The following NBPF14 variants were observed in gnomAD, a reference collection of about 807,000 sequenced individuals.
NBPF14 encodes NBPF member 14.
A neutral mutation model predicts 91.2 loss-of-function variants in NBPF14; 104 were observed. The observed-to-expected ratio is 1.14, with a 90% confidence interval of 0.97 to 1.34. The LOEUF is 1.34. Among genes scored for constraint, NBPF14 ranks in the 40% most tolerant of loss-of-function variants. NBPF14 has a pLI of 0.00. For synonymous variants in NBPF14, 294 were observed against 303.8 expected (o/e 0.97, Z 0.34); for missense variants, 908 against 783.0 (o/e 1.16, Z -1.91).
chr1:148,593,180 A>G (rs1286930541), intron 3 of NBPF14, among the ~76,000 whole-genome samples: 1 of 134,064 alleles, frequency 7.5e-6, no homozygotes, highest in African/African-American at 3.6e-5. Flanking sequence ...GAAAAGATGA[A>G]AGAAGAAAAG....
intron 7 of NBPF14, 43 bp from the exon 8 acceptor site, chr1:148,587,446 A>G (rs1292583895): frequency 6.5e-7 from 1 of 1,541,066 alleles, no homozygotes. Context: ...AAGGCTGGAC[A>G]TGCTGCTGTG....
chr1:148,595,426 T>C lies in NBPF14; in HGVS notation c.175+117A>G. The C allele has an allele frequency of 9.7e-6, 13 of 1,334,856 alleles. 1 individual carries two copies. The South Asian group carries it at 1.6e-4, about 17-fold the overall frequency. The allele number at this position is 1,334,856 out of a possible 1,614,324, so 82.7% of individuals were successfully genotyped here. A position where few individuals can be genotyped will look rare whatever the true frequency, so the allele number is the denominator to read the frequency against. Reference sequence around the variant, plus strand: ...CAAAATGTTAAAATACCCATTTCTGTTTTCTTAGAAGTACAGGAAGGATGA... The same window carrying C: ...CAAAATGTTAAAATACCCATTTCTGCTTTCTTAGAAGTACAGGAAGGATGA... On this transcript the variant is annotated intron_variant, in intron 2 of 70. Coordinates refer to ENST00000619423, the Ensembl canonical transcript of NBPF14.
Position 148,559,598 on chromosome 1 carries a change from G to T in NBPF14, c.4729+195C>A, listed in dbSNP as rs1239994591. 2.4e-5 allele frequency among the ~76,000 whole-genome samples: 3 copies of T among 124,152 alleles called. 1 individual carries two copies. The highest frequency in any genetic ancestry group is 4.6e-5 in the Non-Finnish European group (3 of 64,750). 81.4% of individuals were successfully genotyped at this position (124,152 alleles called of 152,430 possible). ...CACAGGCATGGCCTGAGACTAGGAA[G>T]AGAGCCTTGCTCACTGACCCATCCC... is the stretch of plus-strand genomic sequence containing the variant. On this transcript the variant is annotated intron_variant, in intron 37 of 70. Transcript: ENST00000619423.
At chr1:148,557,087 C>T (rs1421573415) in intron 40 of NBPF14, among the ~76,000 whole-genome samples, 2 of 107,194 alleles carry the variant, frequency 1.9e-5, no homozygotes, top group Admixed American at 9.1e-5. Context: ...CACACACACA[C>T]AGAGAGAGAG....
intron 3 of NBPF14, among the ~76,000 whole-genome samples, chr1:148,593,023 C>T (rs1662750584): frequency 6.9e-6 from 1 of 145,696 alleles, no homozygotes; most frequent in Non-Finnish European, 1.5e-5. Context: ...AAGTAGGTGT[C>T]TTCCTAATTC....
chr1:148,587,264 ACCTGCCCCCCTG>A (rs1661705228), intron 8 of NBPF14, 25 bp downstream of exon 8: 2 of 1,510,278 alleles, frequency 1.3e-6, no homozygotes, highest in South Asian at 1.1e-5. Context: ...AGATTTACAC[ACCTGCCCCCCTG>A]CCTGCCCCCA....
intron 14 of NBPF14, among the ~76,000 whole-genome samples, chr1:148,577,607 T>C (rs1344078251): frequency 2.7e-5 from 4 of 148,774 alleles, no homozygotes; most frequent in Non-Finnish European, 5.9e-5. Flanking sequence ...GGTCAGTCAA[T>C]TGGTCAGGTG....
At chr1:148,588,168 T>A (rs1661866486) in intron 7 of NBPF14, among the ~76,000 whole-genome samples, 4 of 88,742 alleles carry the variant, frequency 4.5e-5, no homozygotes, top group Non-Finnish European at 7.1e-5. Context: ...GCAACTTGGA[T>A]GGAGCCCAGG....
At position 148,592,861 on chromosome 1, in the gene NBPF14, G is replaced by C. The variant is rs1284630347; in HGVS notation, c.279-95C>G. 5.6e-5 allele frequency: 51 copies of C among 904,936 alleles called. 8 individuals carry two copies. Among genetic ancestry groups the C allele is most frequent in the African/African-American group, 8.3e-5 (2 of 23,958 alleles). 56.1% of individuals were successfully genotyped at this position (904,936 alleles called of 1,614,324 possible). A position where few individuals can be genotyped will look rare whatever the true frequency, so the allele number is the denominator to read the frequency against. Reference sequence around the variant, plus strand: ...AGACTTCTGAGACAATGTCATCAAGGAGACCTCCAAGCAGAAGGTCAGCAC... The same window carrying C: ...AGACTTCTGAGACAATGTCATCAAGCAGACCTCCAAGCAGAAGGTCAGCAC... On this transcript the variant is annotated intron_variant, in intron 3 of 70. Transcript: ENST00000619423.
intron 6 of NBPF14, among the ~76,000 whole-genome samples, chr1:148,589,661 C>T (rs1165149635): frequency 9.2e-6 from 1 of 108,252 alleles, no homozygotes; most frequent in Admixed American, 9.6e-5. Flanking sequence ...GAGATTTTTA[C>T]CCCATGAGTG....
chr1:148,533,523 A>C (rs868966974), intron 70 of NBPF14, among the ~76,000 whole-genome samples: 2,818 of 121,454 alleles, frequency 0.023, no homozygotes, highest in Admixed American at 0.028. Flanking sequence ...TAAGGGAGTC[A>C]AAGGACACTC....
chr1:148,560,124 G>C (rs1657493451), intron 36 of NBPF14, among the ~76,000 whole-genome samples, 159 bp from the exon 37 acceptor site: 1 of 150,760 alleles, frequency 6.6e-6, no homozygotes, highest in Non-Finnish European at 1.5e-5. Flanking sequence ...GGATAGAACA[G>C]GGCCAGGTAG....
At chr1:148,591,229 C>T (rs1326513888) in intron 5 of NBPF14, among the ~76,000 whole-genome samples, 3 of 148,142 alleles carry the variant, frequency 2.0e-5, no homozygotes, top group South Asian at 4.4e-4. Flanking sequence ...CTCAGCTATC[C>T]CTGTATGGTA....
At chr1:148,576,096 G>T (rs1386446711) in intron 16 of NBPF14, among the ~76,000 whole-genome samples, 3,664 of 138,952 alleles carry the variant, frequency 0.026, 222 homozygotes, top group East Asian at 0.15. Context: ...CTCTGAGTTA[G>T]TGCCCTCGGG....
At position 148,566,141 on chromosome 1, in the gene NBPF14, A is replaced by C; in HGVS notation, c.3715+2T>G. On this transcript the variant is annotated splice_donor_variant, in intron 29 of 70. Transcript: ENST00000619423. LOFTEE classifies it high-confidence loss of function. ...TTATCACCTTCATAGAAAGGTACTC[A>C]CCTCCCACGTCAAGAGAAAAGCCAA... 1 of 498,422 alleles carries C rather than the reference A, an allele frequency of 2.0e-6. No individual in the cohort carries two copies. Among genetic ancestry groups the C allele is most frequent in the Non-Finnish European group, 3.4e-6 (1 of 290,984 alleles). 30.9% of individuals were successfully genotyped at this position (498,422 alleles called of 1,614,324 possible). A position where few individuals can be genotyped will look rare whatever the true frequency, so the allele number is the denominator to read the frequency against.
chr1:148,534,977 G>C (rs1288845854), intron 68 of NBPF14, 121 bp from the exon 69 acceptor site: 23 of 733,044 alleles, frequency 3.1e-5, no homozygotes, highest in Admixed American at 2.0e-5. Flanking sequence ...ATCCATTAAT[G>C]AGGTAACGAA....
Position 148,592,814 on chromosome 1 carries a change from A to T in NBPF14, c.279-48T>A, listed in dbSNP as rs1407107004. 5.6e-6 allele frequency: 7 copies of T among 1,244,568 alleles called. 1 individual carries two copies. The highest frequency in any genetic ancestry group is 8.0e-6 in the Non-Finnish European group (7 of 870,290). The allele number at this position is 1,244,568 out of a possible 1,614,324, so 77.1% of individuals were successfully genotyped here. On this transcript the variant is annotated intron_variant, in intron 3 of 70. Coordinates refer to ENST00000619423, the Ensembl canonical transcript of NBPF14. Reference sequence around the variant, plus strand: ...ATTTAAGAGTAGAAAGGGTTGAGTGATCCGTTCAAATATTGCAACAGAGAC... The same window carrying T: ...ATTTAAGAGTAGAAAGGGTTGAGTGTTCCGTTCAAATATTGCAACAGAGAC...
At chr1:148,568,897 T>C (rs1299013066) in intron 25 of NBPF14, among the ~76,000 whole-genome samples, 3 of 148,854 alleles carry the variant, frequency 2.0e-5, no homozygotes, top group South Asian at 2.2e-4. Context: ...AGATTGTTCA[T>C]GGTAGCGAGG....
In NBPF14 at chr1:148,586,328, CT is replaced by C; in HGVS notation, c.1232del (p.Gln411ArgfsTer178). The C allele has an allele frequency of 1.4e-6, 1 of 707,102 alleles. No individual in the cohort carries two copies. Among genetic ancestry groups the C allele is most frequent in the Non-Finnish European group, 2.5e-6 (1 of 396,576 alleles). The allele number at this position is 707,102 out of a possible 1,614,324, so 43.8% of individuals were successfully genotyped here. A position where few individuals can be genotyped will look rare whatever the true frequency, so the allele number is the denominator to read the frequency against. ...CCAGCTGTTCTTGGAGGTCCTGCCC[CT>C]GGGACTTGTCCGGCTCATCCGGAGT... On this transcript the variant is annotated frameshift_variant, in exon 9 of 71. Coordinates refer to ENST00000619423, the Ensembl canonical transcript of NBPF14. LOFTEE classifies it high-confidence loss of function.
Sources: allele counts gnomAD v4.1 joint callset (sites outside exome capture counted in the v4.1 genomes callset), GRCh38; gene constraint gnomAD v4.1.1; transcripts MANE v1.5; gene names NCBI Gene and HGNC (gene_info 2026-07-23, HGNC 2026-07-21).